The following SPTBN4 variants were observed in gnomAD, a reference collection of about 807,000 sequenced individuals.
The protein encoded by SPTBN4 is spectrin beta chain, non-erythrocytic 4.
Under a neutral mutation model 277.8 loss-of-function variants are expected in SPTBN4, and 96 were observed. The observed-to-expected ratio is 0.35, with a 90% CI of 0.29 to 0.41. SPTBN4 has a LOEUF of 0.41. Among genes scored for constraint, SPTBN4 ranks in the 10% least tolerant of loss-of-function variants. SPTBN4 has a pLI of 1.00. For synonymous variants in SPTBN4, 1,481 were observed against 1,580.3 expected (o/e 0.94, Z 1.49); for missense variants, 3,006 against 3,595.7 (o/e 0.84, Z 4.19).
chr19:40,567,704 C>A lies in SPTBN4; in HGVS notation c.6378C>A (p.Thr2126=). The change falls in exon 31 of 36, where the codon ACC becomes ACA. Residue 2126 remains threonine (T), a synonymous_variant. Transcript: ENST00000598249. ...CGGAACAGAGCAAGCAGCCGCCTAC[C>A]CCACTGCTGGGGCGCAAGTTCTTTG... ...IKAEQSKQPP[T]PLLGRKFFGD... The A allele has an allele frequency of 1.3e-6, 2 of 1,553,948 alleles. No individual in the cohort carries two copies. Among genetic ancestry groups the A allele is most frequent in the Admixed American group, 1.9e-5 (1 of 51,874 alleles).
In SPTBN4 at chr19:40,567,750, G is replaced by A. The variant is rs984285432; in HGVS notation, c.6424G>A (p.Ala2142Thr). The A allele has an allele frequency of 3.9e-6, 6 of 1,546,398 alleles. No homozygotes were observed. Among genetic ancestry groups the A allele is most frequent in the Non-Finnish European group, 4.4e-6 (5 of 1,146,802 alleles). ...CTTTGGGGACCCCACGGAACTGGCG[G>A]CCAAGGCGGCGCCCCTGCTGCGGCC... The part of the protein sequence containing the change: ...KFFGDPTELA[A>T]KAAPLLRPGG... Residue 2142 changes from alanine to threonine, a missense_variant, in exon 31 of 36, where the codon GCC (alanine) becomes ACC (threonine). By Grantham distance (58) the Ala-to-Thr change is moderately conservative. This residue lies in a region of SPTBN4 where 630 missense variants were observed against 677.6 expected (regional missense o/e 0.93). Transcript: ENST00000598249.
At chr19:40,545,878 A>G (rs2080853187) in intron 20 of SPTBN4, among the ~76,000 whole-genome samples, 1 of 152,008 alleles carries the variant, frequency 6.6e-6, no homozygotes, top group Admixed American at 6.6e-5. Flanking sequence ...CATCTCTACT[A>G]AAAATACAAA....
At chr19:40,533,452 A>C (rs2080700340) in intron 19 of SPTBN4, among the ~76,000 whole-genome samples, 2 of 152,112 alleles carry the variant, frequency 1.3e-5, no homozygotes, top group African/African-American at 2.4e-5. Flanking sequence ...TCTAAGCCTC[A>C]ACCCTCAGAA....
Position 40,554,008 on chromosome 19 carries a change from T to C in SPTBN4, c.4675-139T>C. On this transcript the variant is annotated intron_variant, in intron 22 of 35. Transcript: ENST00000598249. This position sits in a 1 kb window ranked among gnomAD's most constrained non-coding sequence, Gnocchi z 5.7. ...AGGGAGTATCAGCAAAATGTTTACATGGTCTTGGCACGTGGTTAGCGAGCT... is the reference window on the plus strand; with the variant it reads ...AGGGAGTATCAGCAAAATGTTTACACGGTCTTGGCACGTGGTTAGCGAGCT... The C allele has an allele frequency of 1.2e-6, 1 of 851,772 alleles. No homozygotes were observed. The highest frequency in any genetic ancestry group is 1.7e-6 in the Non-Finnish European group (1 of 601,944). The allele number at this position is 851,772 out of a possible 1,614,324, so 52.8% of individuals were successfully genotyped here. A position where few individuals can be genotyped will look rare whatever the true frequency, so the allele number is the denominator to read the frequency against.
chr19:40,541,257 G>C (rs1168815931), intron 20 of SPTBN4, among the ~76,000 whole-genome samples: 2 of 152,208 alleles, frequency 1.3e-5, no homozygotes, highest in Non-Finnish European at 1.5e-5. Flanking sequence ...CATGAGATGG[G>C]GGTCCCCATT....
intron 1 of SPTBN4, among the ~76,000 whole-genome samples, chr19:40,470,474 T>C (rs1175130144): frequency 1.3e-5 from 2 of 151,604 alleles, no homozygotes; most frequent in Non-Finnish European, 2.9e-5. Flanking sequence ...GCCCAGCTCA[T>C]TTTTGTATTT....
chr19:40,532,264 TA>T (rs1485601832), intron 18 of SPTBN4, among the ~76,000 whole-genome samples: 3 of 122,076 alleles, frequency 2.5e-5, no homozygotes, highest in Admixed American at 2.3e-4. Flanking sequence ...GGGAGTTAGC[TA>T]AATTGGGTTG....
chr19:40,482,796 T>A (rs1238232201), intron 2 of SPTBN4, among the ~76,000 whole-genome samples: 15 of 151,454 alleles, frequency 9.9e-5, no homozygotes, highest in Admixed American at 9.2e-4. Context: ...ACCCTGTCTC[T>A]ACAAAATATA....
rs188008277 is a variant in SPTBN4 at position 40,485,087 on chromosome 19, C to T, written c.170-2610C>T. 4.3e-3 allele frequency among the ~76,000 whole-genome samples: 647 copies of T among 152,232 alleles called. 5 individuals carry two copies. The highest frequency in any genetic ancestry group is 0.015 in the African/African-American group (610 of 41,568). On this transcript the variant is annotated intron_variant, in intron 2 of 35. Transcript: ENST00000598249. ...CAAACTCCTGTCGTCAGGTGATCCA[C>T]CTGCCTCAGCCTCCCAAAGTGCTGG... is the stretch of plus-strand genomic sequence containing the variant.
chr19:40,571,148 A>T (rs1024084048), intron 33 of SPTBN4: 2 of 166,066 alleles, frequency 1.2e-5, no homozygotes, highest in African/African-American at 4.8e-5. Context: ...TGATCAGCTA[A>T]ATAGCAAAGA....
intron 5 of SPTBN4, 97 bp from the exon 6 acceptor site, chr19:40,494,800 T>C: frequency 9.4e-7 from 1 of 1,063,632 alleles, no homozygotes; most frequent in Non-Finnish European, 1.4e-6. Flanking sequence ...CTCTCTCATC[T>C]TCCTTCCCTA....
rs1351700648 is a variant in SPTBN4, at chr19:40,519,572, C to T, written c.3075C>T (p.Ser1025=). The T allele has an allele frequency of 3.9e-6, 6 of 1,538,280 alleles. No homozygotes were observed. The highest frequency in any genetic ancestry group is 5.2e-6 in the Non-Finnish European group (6 of 1,148,478). Residue 1025 remains serine, a synonymous_variant, in exon 16 of 36, where the codon AGC becomes AGT. Transcript: ENST00000598249. This position sits in a 1 kb window ranked among gnomAD's most constrained non-coding sequence, Gnocchi z 5.7. The part of the protein sequence containing the change: ...RAGGALQWRL[S]GLEAALQALE... ...GCGGCGCCCTGCAGTGGCGTCTTAG[C>T]GGCCTAGAGGCCGCTCTGCAGGCGC... is the stretch of plus-strand genomic sequence containing the variant.
intron 18 of SPTBN4, chr19:40,530,695 G>A: frequency 2.2e-6 from 1 of 463,724 alleles, no homozygotes; most frequent in Non-Finnish European, 2.8e-6. Context: ...GGAGGGAGGG[G>A]CGGGGCGGCG....
chr19:40,516,936 T>G (rs1293322583), intron 15 of SPTBN4, among the ~76,000 whole-genome samples: 1 of 152,186 alleles, frequency 6.6e-6, no homozygotes, highest in African/African-American at 2.4e-5. Flanking sequence ...CCAGAACTCT[T>G]TAAGATAAGT....
At chr19:40,532,289 G>C (rs112126182) in intron 18 of SPTBN4, among the ~76,000 whole-genome samples, 1 of 12,018 alleles carries the variant, frequency 8.3e-5, no homozygotes, top group East Asian at 3.6e-4. Flanking sequence ...AGCTTGTTTT[G>C]GGGGGGGTGA....
Position 40,504,098 on chromosome 19 carries a change from T to A in SPTBN4, c.1631T>A (p.Met544Lys), listed in dbSNP as rs1392595794. Residue 544 changes from methionine (M) to lysine (K), a missense_variant, in exon 12 of 36, where the codon ATG becomes AAG. Coordinates refer to ENST00000598249, the MANE Select transcript of SPTBN4 (RefSeq NM_020971.3). ...GCCCTGCAGAAGGTCTTCCAGGAGA[T>A]GGTGTACATGGTGGACTGGATGGAG... ...NLALQKVFQE[M>K]VYMVDWMEEM... 1 of 1,439,628 alleles carries A rather than the reference T, an allele frequency of 6.9e-7. No individual in the cohort carries two copies. Among genetic ancestry groups the A allele is most frequent in the Non-Finnish European group, 9.3e-7 (1 of 1,078,022 alleles). The allele number at this position is 1,439,628 out of a possible 1,614,324, so 89.2% of individuals were successfully genotyped here.
In SPTBN4 at chr19:40,549,406, A is replaced by T; in HGVS notation, c.4577A>T (p.Asp1526Val). Reference sequence around the variant, plus strand: ...CACCAGGTGGCGCACGACCTGGACGACGAGCTGGTGAGGCCAGCGCAGGGG... The same window carrying T: ...CACCAGGTGGCGCACGACCTGGACGTCGAGCTGGTGAGGCCAGCGCAGGGG... ...ELHQVAHDLD[D>V]ELAWVQERLP... Residue 1526 changes from aspartate to valine, a missense_variant, in exon 21 of 36, where the codon GAC becomes GTC. Coordinates refer to ENST00000598249, the MANE Select transcript of SPTBN4 (RefSeq NM_020971.3). 1 of 1,251,676 alleles carries T rather than the reference A, an allele frequency of 8.0e-7. No homozygotes were observed. Among genetic ancestry groups the T allele is most frequent in the Non-Finnish European group, 1.0e-6 (1 of 972,062 alleles). The allele number at this position is 1,251,676 out of a possible 1,614,324, so 77.5% of individuals were successfully genotyped here.
In SPTBN4 at chr19:40,568,003, A is replaced by G; in HGVS notation, c.6677A>G (p.Gln2226Arg). Residue 2226 changes from glutamine (Q) to arginine (R), a missense_variant, in exon 31 of 36, where the codon CAG becomes CGG. Transcript: ENST00000598249. ...CCCGCGACCCCCGCGGCGGCGGAGCAGGTGCGGCCACGACCGGAGCGCCAG... is the reference window on the plus strand; with the variant it reads ...CCCGCGACCCCCGCGGCGGCGGAGCGGGTGCGGCCACGACCGGAGCGCCAG... ...ETPATPAAAE[Q>R]VRPRPERQES... is the part of the protein sequence containing the mutation. 6.6e-7 allele frequency: 1 copy of G among 1,522,586 alleles called. No individual in the cohort carries two copies. Among genetic ancestry groups the G allele is most frequent in the Middle Eastern group, 2.1e-4 (1 of 4,730 alleles). 94.3% of individuals were successfully genotyped at this position (1,522,586 alleles called of 1,614,324 possible).
At chr19:40,499,324 G>A (rs1393227741) in intron 7 of SPTBN4, among the ~76,000 whole-genome samples, 1 of 151,330 alleles carries the variant, frequency 6.6e-6, no homozygotes, top group Non-Finnish European at 1.5e-5. Context: ...ACAGGCGTGA[G>A]CCATCACACC....
Sources: gnomAD v4.1 joint callset for allele counts (sites outside exome capture counted in the v4.1 genomes callset) on GRCh38, gnomAD v4.1.1 for gene constraint, gnomAD v4.1.1 regional missense constraint, Gnocchi (gnomAD v3.1) non-coding constraint, MANE v1.5 for transcripts, NCBI Gene and HGNC (gene_info 2026-07-23, HGNC 2026-07-21) for gene names.